G3BP2: variants seen among roughly 807,000 people sequenced by gnomAD.
G3BP2 encodes ras GTPase-activating protein-binding protein 2.
G3BP2 carries 11 observed loss-of-function variants against 56.7 expected under a neutral mutation model. That is an observed-to-expected ratio of 0.19 (90% confidence interval 0.12 to 0.32). G3BP2 has a LOEUF of 0.32. Among genes scored for constraint, G3BP2 ranks in the 10% least tolerant of loss-of-function variants. G3BP2 has a pLI of 1.00. For synonymous variants in G3BP2, 165 were observed against 191.6 expected, an observed-to-expected ratio of 0.86 and a Z score of 1.15; for missense variants, 340 against 610.9, an observed-to-expected ratio of 0.56 and a Z score of 4.67.
intron 3 of G3BP2, among the ~76,000 whole-genome samples, chr4:75,686,599 C>G (rs62318487): frequency 0.24 from 34,996 of 146,662 alleles, 4,530 homozygotes; most frequent in Middle Eastern, 0.36. Context: ...TGGCACAGCA[C>G]TAACATGTGC....
chr4:75,670,187 C>T (rs1267206549), intron 1 of G3BP2, among the ~76,000 whole-genome samples: 1 of 152,176 alleles, frequency 6.6e-6, no homozygotes, highest in African/African-American at 2.4e-5. Context: ...TTACCCCTTT[C>T]CCCTCTGGAG....
At chr4:75,704,296 C>T (rs892484659) in intron 3 of G3BP2, among the ~76,000 whole-genome samples, 4 of 151,910 alleles carry the variant, frequency 2.6e-5, no homozygotes, top group African/African-American at 7.3e-5. Flanking sequence ...GGATTACAGG[C>T]GTGAGCCCCC....
chr4:75,710,901 C>T (rs186056322), intron 3 of G3BP2, among the ~76,000 whole-genome samples: 1 of 152,074 alleles, frequency 6.6e-6, no homozygotes, highest in Non-Finnish European at 1.5e-5. Context: ...TAGCTTCAGG[C>T]AATCCTTCTG....
At chr4:75,694,180 T>C (rs1664097831) in intron 3 of G3BP2, among the ~76,000 whole-genome samples, 1 of 152,186 alleles carries the variant, frequency 6.6e-6, no homozygotes, top group Non-Finnish European at 1.5e-5. Flanking sequence ...ATCCCTCTAT[T>C]AATAACACTC....
At chr4:75,663,298 C>T (rs1321711301) in intron 1 of G3BP2, among the ~76,000 whole-genome samples, 1 of 152,078 alleles carries the variant, frequency 6.6e-6, no homozygotes, top group African/African-American at 2.4e-5. Context: ...GCTCTGTCAC[C>T]TAGGCTGGAG....
chr4:75,709,325 A>T (rs897840590), intron 3 of G3BP2, among the ~76,000 whole-genome samples: 8 of 144,684 alleles, frequency 5.5e-5, no homozygotes, highest in African/African-American at 1.8e-4. Flanking sequence ...GAGGCTGAGG[A>T]AGGAGAATCG....
intron 3 of G3BP2, among the ~76,000 whole-genome samples, chr4:75,691,526 T>C (rs1056552177): frequency 3.9e-5 from 6 of 152,180 alleles, no homozygotes; most frequent in Non-Finnish European, 8.8e-5. Context: ...ACATTTTCAT[T>C]TGAAGAAAAA....
intron 1 of G3BP2, chr4:75,672,799 G>C (rs1414607218): frequency 1.3e-5 from 2 of 158,234 alleles, no homozygotes; most frequent in Non-Finnish European, 2.7e-5. Context: ...AAACAGGAAC[G>C]GTGGGCTACC....
chr4:75,660,000 C>T (rs150374122), intron 2 of G3BP2, among the ~76,000 whole-genome samples: 102 of 152,252 alleles, frequency 6.7e-4, no homozygotes, highest in African/African-American at 2.2e-3. Flanking sequence ...TAACTAGCAA[C>T]GTGCACAAAT....
intron 3 of G3BP2, chr4:75,694,913 T>A (rs1719040615): frequency 1.0e-6 from 1 of 985,218 alleles, no homozygotes; most frequent in South Asian, 4.7e-5. Context: ...CAGGAAGCGA[T>A]AAGGACATGA....
intron 3 of G3BP2, chr4:75,694,733 T>A: frequency 1.0e-6 from 1 of 974,404 alleles, no homozygotes; most frequent in Non-Finnish European, 1.2e-6. Context: ...AGCGAGACTC[T>A]GTCTCGAAAA....
intron 3 of G3BP2, among the ~76,000 whole-genome samples, chr4:75,684,564 T>C (rs1205709140): frequency 6.6e-6 from 1 of 152,180 alleles, no homozygotes; most frequent in African/African-American, 2.4e-5. Flanking sequence ...CTGGCTATGT[T>C]GCCCAGGCTG....
At position 75,655,071 on chromosome 4, in the gene G3BP2, G is replaced by C; in HGVS notation, c.721C>G (p.Pro241Ala). The C allele has an allele frequency of 6.2e-7, 1 of 1,608,746 alleles. No homozygotes were observed. Among genetic ancestry groups the C allele is most frequent in the Non-Finnish European group, 8.5e-7 (1 of 1,177,366 alleles). ...AAAGAGTTCTTTGATCTAACCTTTG[G>C]TGGTTCTTGTGGCAGAGAAACAGGT... The part of the protein sequence containing the change: ...AEPVSLPQEP[P>A]KAFSWASVTS... The change falls in exon 7 of 12, where the codon CCA becomes GCA. Residue 241 changes from proline (P) to alanine (A), a missense_variant. Physicochemically the swap from Pro to Ala is conservative, Grantham distance 27. Around this residue, in one of 4 missense-constraint regions of G3BP2, gnomAD observed 224 missense variants for 332.5 expected, o/e 0.67. Transcript: ENST00000359707.
chr4:75,694,064 T>TA (rs1560416446), intron 3 of G3BP2, among the ~76,000 whole-genome samples: 1 of 152,188 alleles, frequency 6.6e-6, no homozygotes, highest in Non-Finnish European at 1.5e-5. Context: ...CAATCCCTGC[T>TA]AAAGAGACAG....
In G3BP2 at chr4:75,645,703, C is replaced by T. The variant is rs2148938986; in HGVS notation, c.1177-1G>A. ...GTACTTCCCCTCGAAACATAATCGG[C>T]TTTATAAAAGAGAAGAAAAATATTT... On this transcript the variant is annotated splice_acceptor_variant, in intron 11 of 11. Transcript: ENST00000359707. LOFTEE classifies it high-confidence loss of function. 1 of 1,612,890 alleles carries T rather than the reference C, an allele frequency of 6.2e-7. No homozygotes were observed. Among genetic ancestry groups the T allele is most frequent in the Non-Finnish European group, 8.5e-7 (1 of 1,179,404 alleles).
At chr4:75,703,176 G>T (rs575643466) in intron 3 of G3BP2, among the ~76,000 whole-genome samples, 2 of 152,292 alleles carry the variant, frequency 1.3e-5, no homozygotes, top group East Asian at 1.9e-4. Flanking sequence ...CAGACAGGAG[G>T]AGTCTCTTCC....
intron 2 of G3BP2, among the ~76,000 whole-genome samples, chr4:75,659,162 T>C (rs1732349770): frequency 6.6e-6 from 1 of 152,248 alleles, no homozygotes; most frequent in South Asian, 2.1e-4. Context: ...GAATGCTTAG[T>C]TTATCTGGCA....
At chr4:75,668,815 G>C (rs1257983350) in intron 1 of G3BP2, among the ~76,000 whole-genome samples, 1 of 152,118 alleles carries the variant, frequency 6.6e-6, no homozygotes, top group Non-Finnish European at 1.5e-5. Flanking sequence ...TACTCCTACT[G>C]AATTCCTCAA....
At chr4:75,711,865 G>T (rs928227307) in intron 3 of G3BP2, among the ~76,000 whole-genome samples, 1 of 152,102 alleles carries the variant, frequency 6.6e-6, no homozygotes, top group African/African-American at 2.4e-5. Flanking sequence ...CAAACTAGTA[G>T]TTTTGTTGGG....
Sources: gnomAD v4.1 joint callset for allele counts (sites outside exome capture counted in the v4.1 genomes callset) on GRCh38, gnomAD v4.1.1 for gene constraint, gnomAD v4.1.1 regional missense constraint, MANE v1.5 for transcripts, NCBI Gene and HGNC (gene_info 2026-07-23, HGNC 2026-07-21) for gene names.